Variants in SPATA21 observed in about 807,000 individuals in gnomAD.
The protein encoded by SPATA21 is spermatogenesis associated 21.
Under a neutral mutation model 54.8 loss-of-function variants are expected in SPATA21, and 47 were observed. The observed-to-expected ratio is 0.86, with a 90% CI of 0.68 to 1.09. The LOEUF (loss-of-function observed/expected upper bound fraction) is 1.09, where lower values mean the gene tolerates loss of function less well. Among genes scored for constraint, SPATA21 ranks in the 50% least tolerant of loss-of-function variants. The pLI is 0.00. For synonymous variants in SPATA21, 245 were observed against 235.3 expected (o/e 1.04, Z -0.38); for missense variants, 599 against 596.4 (o/e 1.00, Z -0.05).
chr1:16,431,197 G>T, intron 3 of SPATA21, 141 bp downstream of exon 3: 1 of 1,531,108 alleles, frequency 6.5e-7, no homozygotes, highest in Non-Finnish European at 8.8e-7. Context: ...AGGGAAAGGT[G>T]CCAGCTAGGA....
At chr1:16,410,682 AT>A (rs1157487301) in intron 5 of SPATA21, 1 of 222,352 alleles carries the variant, frequency 4.5e-6, no homozygotes, top group Non-Finnish European at 9.5e-6. Context: ...AAGTGCTGGG[AT>A]TACAGGCATG....
At chr1:16,431,105 T>G (rs2086446288) in intron 3 of SPATA21, 1 of 991,298 alleles carries the variant, frequency 1.0e-6, no homozygotes, top group Non-Finnish European at 1.4e-6. Context: ...CTTTTCTGCT[T>G]AATCCAGTTT....
At position 16,428,507 on chromosome 1, in the gene SPATA21, A is replaced by C. The variant is rs1458785454; in HGVS notation, c.34+2831T>G. ...TGGGTTCAAGCGATTCTTGTGCCTC[A>C]GCTTCCCGAGTAGGTGGGATTACAG... is the stretch of plus-strand genomic sequence containing the variant. On this transcript the variant is annotated intron_variant, in intron 3 of 12. Coordinates refer to ENST00000335496, the MANE Select transcript of SPATA21 (RefSeq NM_198546.1). This position sits in a 1 kb window ranked among gnomAD's most constrained non-coding sequence, Gnocchi z 4.3. 6.6e-6 allele frequency among the ~76,000 whole-genome samples: 1 copy of C among 152,036 alleles called. No individual in the cohort carries two copies. Among genetic ancestry groups the C allele is most frequent in the Non-Finnish European group, 1.5e-5 (1 of 68,010 alleles).
chr1:16,404,006 G>A lies in SPATA21; in HGVS notation c.845C>T (p.Ala282Val). The stretch of plus-strand genomic sequence containing the variant: ...GAAGCGCCTGGTGTCTGTCATCACA[G>A]CCAAGAAGTCTTTGAAGTCCACACG... ...DGRVDFKDFLAVMTDTRRFFC... is the reference protein window; with the variant it reads ...DGRVDFKDFLVVMTDTRRFFC... Residue 282 changes from alanine to valine, a missense_variant, in exon 9 of 13, where the codon GCT becomes GTT. Transcript: ENST00000335496. 6.4e-7 allele frequency: 1 copy of A among 1,561,846 alleles called. No homozygotes were observed. Among genetic ancestry groups the A allele is most frequent in the Admixed American group, 1.9e-5 (1 of 51,522 alleles).
Position 16,422,090 on chromosome 1 carries a change from G to A in SPATA21, c.35-119C>T, listed in dbSNP as rs1308180459. ...TGTGTGGGACACCTGCCTCCTTGGG[G>A]TGCTTGCCTCCCAGTGGCTGGCCAT... On this transcript the variant is annotated intron_variant, in intron 3 of 12. Coordinates refer to ENST00000335496, the MANE Select transcript of SPATA21 (RefSeq NM_198546.1). The A allele has an allele frequency of 1.1e-5, 17 of 1,570,492 alleles. No homozygotes were observed. In the South Asian group the frequency reaches 1.3e-4, roughly 12 times the overall value.
chr1:16,413,192 C>T (rs938224136), intron 5 of SPATA21, among the ~76,000 whole-genome samples: 1 of 152,160 alleles, frequency 6.6e-6, no homozygotes, highest in Non-Finnish European at 1.5e-5. Context: ...ATCACCACTC[C>T]CCCGGGCCCT....
intron 5 of SPATA21, among the ~76,000 whole-genome samples, chr1:16,418,969 A>C (rs1190450144): frequency 6.6e-6 from 1 of 152,208 alleles, no homozygotes; most frequent in Non-Finnish European, 1.5e-5. Flanking sequence ...TGAGGCACAA[A>C]GCATAGAGGA....
chr1:16,398,462 C>T (rs2085349741), downstream of SPATA21, among the ~76,000 whole-genome samples: 1 of 152,162 alleles, frequency 6.6e-6, no homozygotes, highest in African/African-American at 2.4e-5. Flanking sequence ...GATGTGCTCA[C>T]CTGAGGAGAG....
At chr1:16,432,606 C>T (rs2086487463) in intron 2 of SPATA21, among the ~76,000 whole-genome samples, 184 bp downstream of exon 2, 1 of 152,172 alleles carries the variant, frequency 6.6e-6, no homozygotes, top group Non-Finnish European at 1.5e-5. Context: ...CCAACCCATC[C>T]TTCAAGCTCC....
chr1:16,400,603 A>G, intron 11 of SPATA21, 117 bp downstream of exon 11: 1 of 1,498,560 alleles, frequency 6.7e-7, no homozygotes, highest in South Asian at 1.4e-5. Flanking sequence ...CCGAAGTGGG[A>G]AACTGGCCTC....
chr1:16,402,874 C>T (rs1408623713), intron 10 of SPATA21, among the ~76,000 whole-genome samples: 5 of 152,142 alleles, frequency 3.3e-5, no homozygotes, highest in East Asian at 1.9e-4. Context: ...TGCAGTGAGT[C>T]GTAATTGTAT....
chr1:16,409,172 GC>G lies in SPATA21; in HGVS notation c.618del (p.Lys206AsnfsTer13), dbSNP rs756294497. The G allele has an allele frequency of 4.3e-6, 7 of 1,614,042 alleles. No homozygotes were observed. The highest frequency in any genetic ancestry group is 2.2e-5 in the East Asian group (1 of 44,870). ...TCGGACTTCTCCCGGTTTTGATAAA[GC>G]TTTTGGAGGCTCTGCTCTTCCGGCT... ...RQEPEEQSLQ[K>X]LYQNREKSEE... On this transcript the variant is annotated frameshift_variant, in exon 7 of 13. Coordinates refer to ENST00000335496, the MANE Select transcript of SPATA21 (RefSeq NM_198546.1). LOFTEE classifies it high-confidence loss of function. The surrounding 1 kb of genome is among the most constrained non-coding windows in gnomAD (Gnocchi z 4.1).
chr1:16,408,176 G>C lies in SPATA21; in HGVS notation c.673+942C>G, dbSNP rs549589189. On this transcript the variant is annotated intron_variant, in intron 7 of 12. Transcript: ENST00000335496. Reference sequence around the variant, plus strand: ...GGAAGGGGCCGCTGTGGCCAAGAGGGTTGCAGGCTTTGGAGAGGAGTAGGG... The same window carrying C: ...GGAAGGGGCCGCTGTGGCCAAGAGGCTTGCAGGCTTTGGAGAGGAGTAGGG... Among the ~76,000 whole-genome samples the C allele has an allele frequency of 1.6e-3, 240 of 152,328 alleles. 2 individuals carry two copies. Among genetic ancestry groups the C allele is most frequent in the African/African-American group, 5.6e-3 (231 of 41,578 alleles).
At chr1:16,437,540 G>A (rs538044585), upstream of SPATA21, 2 of 152,220 alleles carry the variant, frequency 1.3e-5, no homozygotes, top group Non-Finnish European at 2.9e-5. Flanking sequence ...ACTGTGTGGG[G>A]TTTCTTCTCT....
Position 16,409,930 on chromosome 1 carries a change from C to T in SPATA21, c.258G>A (p.Met86Ile), listed in dbSNP as rs1258407483. The T allele has an allele frequency of 1.2e-6, 2 of 1,613,904 alleles. No homozygotes were observed. The highest frequency in any genetic ancestry group is 1.7e-5 in the Admixed American group (1 of 59,948). The change falls in exon 6 of 13, where the codon ATG (methionine) becomes ATA (isoleucine). Residue 86 changes from methionine to isoleucine, a missense_variant. Met to Ile is a conservative substitution (Grantham distance 10). Transcript: ENST00000335496. The surrounding 1 kb of genome is among the most constrained non-coding windows in gnomAD (Gnocchi z 4.1). ...QSLGNFRQGF[M>I]KCLLEVEKME... ...TTTTCTCCACCTCCAGCAAGCACTT[C>T]ATGAAGCCCTGCCGGAAGTTCCCGA...
At chr1:16,415,550 CTAT>C (rs199579596) in intron 5 of SPATA21, among the ~76,000 whole-genome samples, 9 of 151,760 alleles carry the variant, frequency 5.9e-5, no homozygotes, top group Admixed American at 3.3e-4. Context: ...AGAATGTCTC[CTAT>C]TATTATTATT....
rs769433819 is a variant in SPATA21 at position 16,431,326 on chromosome 1, C to T, written c.34+12G>A. The T allele has an allele frequency of 6.2e-7, 1 of 1,614,126 alleles. No homozygotes were observed. Among genetic ancestry groups the T allele is most frequent in the Non-Finnish European group, 8.5e-7 (1 of 1,180,030 alleles). On this transcript the variant is annotated intron_variant, in intron 3 of 12. Coordinates refer to ENST00000335496, the MANE Select transcript of SPATA21 (RefSeq NM_198546.1). The stretch of plus-strand genomic sequence containing the variant: ...CCAGGACTTGGCTGCGTCCCTGGAG[C>T]CTTGGTTCTACCCTCCGTGTACATC...
At chr1:16,432,588 G>A (rs57435118) in intron 2 of SPATA21, among the ~76,000 whole-genome samples, 30,831 of 151,750 alleles carry the variant, frequency 0.2, 3,987 homozygotes, top group East Asian at 0.62. Flanking sequence ...CTATCTTTCC[G>A]ATAGCCCCCA....
chr1:16,405,865 T>G (rs2085625206), intron 7 of SPATA21, among the ~76,000 whole-genome samples: 1 of 152,186 alleles, frequency 6.6e-6, no homozygotes. Flanking sequence ...TCAGAAAAAC[T>G]GTCCAGTCAT....
Sources: gnomAD v4.1 joint callset for allele counts (sites outside exome capture counted in the v4.1 genomes callset) on GRCh38, gnomAD v4.1.1 for gene constraint, Gnocchi (gnomAD v3.1) non-coding constraint, MANE v1.5 for transcripts, NCBI Gene and HGNC (gene_info 2026-07-23, HGNC 2026-07-21) for gene names.